ANXA2: variants seen among roughly 807,000 people sequenced by gnomAD.
The protein encoded by ANXA2 is annexin A2.
Under a neutral mutation model 47.3 loss-of-function variants are expected in ANXA2, and 28 were observed. The observed-to-expected ratio is 0.59, with a 90% CI of 0.44 to 0.81. ANXA2 has a LOEUF of 0.81. Ranked by LOEUF, ANXA2 falls within the 40% of genes least tolerant of loss-of-function variation. The probability of loss-of-function intolerance (pLI) is 0.00; values close to 1 mark genes in which losing one functional copy is unlikely to be tolerated. For synonymous variants in ANXA2, 172 were observed against 155.5 expected, an observed-to-expected ratio of 1.11 and a Z score of -0.79; for missense variants, 384 against 414.3, an observed-to-expected ratio of 0.93 and a Z score of 0.64.
At chr15:60,381,618 C>T (rs114249095) in intron 3 of ANXA2, among the ~76,000 whole-genome samples, 2,573 of 152,270 alleles carry the variant, frequency 0.017, 77 homozygotes, top group African/African-American at 0.06. Context: ...TTCTCTTACT[C>T]ATCCTAGAAC....
At chr15:60,365,974 G>T (rs904191896) in intron 3 of ANXA2, among the ~76,000 whole-genome samples, 1 of 141,644 alleles carries the variant, frequency 7.1e-6, no homozygotes, top group Non-Finnish European at 1.5e-5. Context: ...TCAGCCTGCC[G>T]AGTGCCTGCG....
At chr15:60,368,692 T>C (rs1023150897) in intron 3 of ANXA2, among the ~76,000 whole-genome samples, 7 of 152,224 alleles carry the variant, frequency 4.6e-5, no homozygotes, top group African/African-American at 1.4e-4. Flanking sequence ...ATGTGAGTGA[T>C]GGGATTATGT....
intron 1 of ANXA2, among the ~76,000 whole-genome samples, chr15:60,389,375 G>A (rs1257388027): frequency 6.6e-6 from 1 of 152,118 alleles, no homozygotes; most frequent in Non-Finnish European, 1.5e-5. Context: ...CTAGAGGCAC[G>A]GTAACTTTTC....
intron 5 of ANXA2, among the ~76,000 whole-genome samples, chr15:60,360,169 T>A (rs2062492572): frequency 6.6e-6 from 1 of 152,104 alleles, no homozygotes; most frequent in Admixed American, 6.5e-5. Context: ...GGCAGGAGAA[T>A]CTCTTGAACC....
rs180705612 is a variant in ANXA2, at chr15:60,355,683, C to T, written c.528+236G>A. 326 of 576,954 alleles carry T rather than the reference C, an allele frequency of 5.7e-4. 2 individuals are homozygous for T. Among genetic ancestry groups the T allele is most frequent in the Admixed American group, 1.5e-3 (58 of 38,424 alleles). 35.7% of individuals were successfully genotyped at this position (576,954 alleles called of 1,614,324 possible). A position where few individuals can be genotyped will look rare whatever the true frequency, so the allele number is the denominator to read the frequency against. ...TAAATCCAGGCCAGGACTTGAGAGC[C>T]GCCCATCCCTTCTCTGGCTCCCAAA... On this transcript the variant is annotated intron_variant, in intron 7 of 12. Transcript: ENST00000451270.
At chr15:60,360,848 A>G (rs1164194497) in intron 5 of ANXA2, 93 bp downstream of exon 5, 1 of 826,536 alleles carries the variant, frequency 1.2e-6, no homozygotes, top group Non-Finnish European at 2.0e-6. Context: ...TGAGAATTCA[A>G]CAAAACTGAA....
intron 11 of ANXA2, 40 bp from the exon 12 acceptor site, chr15:60,349,237 G>A (rs376059057): frequency 6.2e-7 from 1 of 1,610,022 alleles, no homozygotes; most frequent in Non-Finnish European, 8.5e-7. Context: ...CGCTGAGAAT[G>A]TTATCGTTAA....
At chr15:60,391,070 TA>T (rs1469528349) in intron 1 of ANXA2, 1 of 152,244 alleles carries the variant, frequency 6.6e-6, no homozygotes. Context: ...AAAAGACACT[TA>T]TAAAACTGTG....
chr15:60,349,030 G>T lies in ANXA2; in HGVS notation c.960+45C>A, dbSNP rs761195440. ...GCCAGGCCACCTGCCAGGGCCCGGG[G>T]TGCTCTGGACGGCAGGGCAGGCTGA... is the stretch of plus-strand genomic sequence containing the variant. On this transcript the variant is annotated intron_variant, in intron 12 of 12. Coordinates refer to ENST00000451270, the MANE Select transcript of ANXA2 (RefSeq NM_004039.3). 3 of 1,610,462 alleles carry T rather than the reference G, an allele frequency of 1.9e-6. No homozygotes were observed. The Admixed American group carries it at 5.0e-5, about 27-fold the overall frequency.
rs2062872037 is a variant in ANXA2 at position 60,382,274 on chromosome 15, A to G, written c.148+68T>C. The G allele has an allele frequency of 8.2e-6, 10 of 1,214,082 alleles. No homozygotes were observed. In the East Asian group the frequency reaches 1.9e-4, roughly 23 times the overall value. The allele number at this position is 1,214,082 out of a possible 1,614,324, so 75.2% of individuals were successfully genotyped here. On this transcript the variant is annotated intron_variant, in intron 3 of 12. Transcript: ENST00000451270. ...TCGCCAACGTATGGCGATTTGAGGG[A>G]GAATAAAGAGACAACCAAAAATGTC... is the stretch of plus-strand genomic sequence containing the variant.
chr15:60,351,883 CACCT>C, intron 9 of ANXA2, 64 bp from the exon 10 acceptor site: 2 of 1,128,124 alleles, frequency 1.8e-6, no homozygotes, highest in Non-Finnish European at 1.3e-6. Context: ...AACGATCACC[CACCT>C]AGTTTTATGC....
intron 3 of ANXA2, among the ~76,000 whole-genome samples, chr15:60,377,363 G>T (rs1403394693): frequency 1.3e-5 from 2 of 152,102 alleles, no homozygotes. Flanking sequence ...AGTAATACAA[G>T]TCATCATAGA....
intron 12 of ANXA2, 49 bp from the exon 13 acceptor site, chr15:60,347,738 A>G (rs188134614): frequency 6.6e-7 from 1 of 1,517,092 alleles, no homozygotes; most frequent in Admixed American, 1.7e-5. Context: ...AAAAAAGCCC[A>G]GACTCCTCAA....
At chr15:60,379,384 G>C (rs1424332858) in intron 3 of ANXA2, among the ~76,000 whole-genome samples, 1 of 152,176 alleles carries the variant, frequency 6.6e-6, no homozygotes, top group Non-Finnish European at 1.5e-5. Flanking sequence ...TCTAAAGCTA[G>C]ACCACAAATA....
At chr15:60,367,186 T>G (rs866209690) in intron 3 of ANXA2, among the ~76,000 whole-genome samples, 1 of 20,588 alleles carries the variant, frequency 4.9e-5, no homozygotes, top group Non-Finnish European at 9.0e-5. Flanking sequence ...CAGCCCCCCG[T>G]CCGGCCAGCC....
chr15:60,355,804 G>T, intron 7 of ANXA2, 115 bp downstream of exon 7: 1 of 912,198 alleles, frequency 1.1e-6, no homozygotes, highest in Non-Finnish European at 1.8e-6. Flanking sequence ...CAAAAATGCA[G>T]CTGAATTTCT....
In ANXA2 at chr15:60,364,467, G is replaced by C. The variant is rs752984454; in HGVS notation, c.205C>G (p.Gln69Glu). 6.2e-7 allele frequency: 1 copy of C among 1,613,492 alleles called. No individual in the cohort carries two copies. The highest frequency in any genetic ancestry group is 1.1e-5 in the South Asian group (1 of 90,912). Reference protein sequence around the residue: ...ILTNRSNAQRQDIAFAYQRRT... With the variant: ...ILTNRSNAQREDIAFAYQRRT... ...CTCTGGTAGGCGAAGGCAATATCCT[G>C]TCTCTGTGCATTGCTGCGGTTGGTC... The change falls in exon 4 of 13, where the codon CAG becomes GAG. Residue 69 changes from glutamine (Q) to glutamate (E), a missense_variant. Coordinates refer to ENST00000451270, the MANE Select transcript of ANXA2 (RefSeq NM_004039.3).
At chr15:60,359,428 A>G (rs2062479381) in intron 5 of ANXA2, among the ~76,000 whole-genome samples, 1 of 152,208 alleles carries the variant, frequency 6.6e-6, no homozygotes, top group Non-Finnish European at 1.5e-5. Flanking sequence ...CTCGGTTTTC[A>G]GGAGCGCTAT....
chr15:60,351,231 G>T lies in ANXA2; in HGVS notation c.799C>A (p.Pro267Thr). The T allele has an allele frequency of 1.2e-6, 2 of 1,614,192 alleles. No individual in the cohort carries two copies. Among genetic ancestry groups the T allele is most frequent in the Non-Finnish European group, 1.7e-6 (2 of 1,180,030 alleles). The stretch of plus-strand genomic sequence containing the variant: ...TACAGCCGATCAGCAAAATACAGGG[G>T]CTTGTTCTGAATGCACTGAACTGTG... ...LNLVQCIQNK[P>T]LYFADRLYDS... Residue 267 changes from proline to threonine, a missense_variant, in exon 11 of 13, where the codon CCC (proline) becomes ACC (threonine). Pro to Thr is a conservative substitution (Grantham distance 38, BLOSUM62 -1). Coordinates refer to ENST00000451270, the MANE Select transcript of ANXA2 (RefSeq NM_004039.3).
Sources: gnomAD v4.1 joint callset for allele counts (sites outside exome capture counted in the v4.1 genomes callset) on GRCh38, gnomAD v4.1.1 for gene constraint, MANE v1.5 for transcripts, NCBI Gene and HGNC (gene_info 2026-07-23, HGNC 2026-07-21) for gene names.